Variants in WWOX observed in about 807,000 individuals in gnomAD.
WWOX encodes the protein WW domain-containing oxidoreductase.
Under a neutral mutation model 46.2 loss-of-function variants are expected in WWOX, and 69 were observed. That is an observed-to-expected ratio of 1.49 (90% CI 1.23 to 1.82). WWOX has a LOEUF of 1.82. Ranked by LOEUF, WWOX falls within the 40% of genes most tolerant of loss-of-function variation. WWOX has a pLI of 0.00. For synonymous variants in WWOX, 359 were observed against 202.6 expected (o/e 1.77, Z -6.56); for missense variants, 919 against 542.6 (o/e 1.69, Z -6.89).
intron 8 of WWOX, among the ~76,000 whole-genome samples, chr16:78,594,713 C>G (rs111470136): frequency 6.6e-6 from 1 of 151,964 alleles, no homozygotes; most frequent in Non-Finnish European, 1.5e-5. Context: ...TCCTTTGTCC[C>G]TTTTTATAAC....
At chr16:78,709,375 C>G (rs2142318056) in intron 8 of WWOX, among the ~76,000 whole-genome samples, 1 of 152,362 alleles carries the variant, frequency 6.6e-6, no homozygotes, top group East Asian at 1.9e-4. Context: ...GCCCGCGATT[C>G]TCGGCCATTC....
At chr16:78,991,590 G>C (rs1043785097) in intron 8 of WWOX, among the ~76,000 whole-genome samples, 1 of 48,744 alleles carries the variant, frequency 2.1e-5, no homozygotes, top group Non-Finnish European at 3.8e-5. Context: ...GACACAGCAA[G>C]ACCTTGTCTC....
chr16:78,497,843 G>T (rs7194924), intron 8 of WWOX, among the ~76,000 whole-genome samples: 11,593 of 128,094 alleles, frequency 0.091, 465 homozygotes, highest in Non-Finnish European at 0.097. Context: ...TTATACACCG[G>T]AGTTACTGAG....
At chr16:78,651,964 T>G (rs2046975100) in intron 8 of WWOX, among the ~76,000 whole-genome samples, 1 of 152,150 alleles carries the variant, frequency 6.6e-6, no homozygotes, top group African/African-American at 2.4e-5. Context: ...CATTATCAGT[T>G]ACATTATTAT....
chr16:79,034,041 C>G (rs578119511), intron 8 of WWOX, among the ~76,000 whole-genome samples: 5 of 152,196 alleles, frequency 3.3e-5, no homozygotes, highest in Non-Finnish European at 7.3e-5. Flanking sequence ...CAGGCTATGG[C>G]TCACGGCTGT....
At chr16:78,458,284 AG>A (rs2083872466) in intron 8 of WWOX, among the ~76,000 whole-genome samples, 1 of 136,422 alleles carries the variant, frequency 7.3e-6, no homozygotes, top group African/African-American at 2.7e-5. Context: ...TTTTTGATAC[AG>A]GGTCTTACTG....
chr16:79,178,371 C>T (rs534334098), intron 8 of WWOX, among the ~76,000 whole-genome samples: 3 of 152,208 alleles, frequency 2.0e-5, no homozygotes, highest in East Asian at 3.9e-4. Context: ...GGCTGGAGTG[C>T]AGTGGTGCGG....
At chr16:78,736,294 A>T (rs994546740) in intron 8 of WWOX, among the ~76,000 whole-genome samples, 1 of 152,146 alleles carries the variant, frequency 6.6e-6, no homozygotes, top group Admixed American at 6.5e-5. Flanking sequence ...GGCTATCCTC[A>T]TGGGGACCTG....
rs770023814 is a variant in WWOX at position 78,432,649 on chromosome 16, C to T, written c.953C>T (p.Ser318Leu). The T allele has an allele frequency of 1.2e-5, 19 of 1,614,092 alleles. No individual in the cohort carries two copies. Among genetic ancestry groups the T allele is most frequent in the Non-Finnish European group, 1.5e-5 (18 of 1,180,054 alleles). Residue 318 changes from serine (S) to leucine (L), a missense_variant, in exon 8 of 9, where the codon TCG becomes TTG. Ser to Leu is a moderately radical substitution (Grantham distance 145, BLOSUM62 -2). Coordinates refer to ENST00000566780, the MANE Select transcript of WWOX (RefSeq NM_016373.4). Reference sequence around the variant, plus strand: ...CGCCTCTCCCCACGCGGGGTCACGTCGAACGCAGTGCATCCTGGAAATATG... The same window carrying T: ...CGCCTCTCCCCACGCGGGGTCACGTTGAACGCAGTGCATCCTGGAAATATG... ...HRRLSPRGVT[S>L]NAVHPGNMMY...
At chr16:78,706,480 C>G (rs2048330608) in intron 8 of WWOX, among the ~76,000 whole-genome samples, 1 of 152,156 alleles carries the variant, frequency 6.6e-6, no homozygotes, top group Non-Finnish European at 1.5e-5. Flanking sequence ...TCCTGGGGCT[C>G]TTCCTCTCCT....
At chr16:78,380,090 C>G (rs937856173) in intron 5 of WWOX, among the ~76,000 whole-genome samples, 1 of 152,164 alleles carries the variant, frequency 6.6e-6, no homozygotes, top group Non-Finnish European at 1.5e-5. Context: ...ATGAGTGCCC[C>G]TGTATCCGAG....
chr16:79,204,966 G>A (rs764396407), intron 8 of WWOX: 5 of 152,132 alleles, frequency 3.3e-5, no homozygotes, highest in Non-Finnish European at 7.3e-5. Flanking sequence ...GCTCTTGCAA[G>A]AAACTCATGT....
At chr16:79,042,824 C>G (rs1197701984) in intron 8 of WWOX, among the ~76,000 whole-genome samples, 1 of 149,776 alleles carries the variant, frequency 6.7e-6, no homozygotes, top group Admixed American at 6.7e-5. Context: ...AGTACCAAAA[C>G]AAAACAAGAA....
rs999247484 is a variant in WWOX, at chr16:78,531,519, C to T, written c.1056+98767C>T. On this transcript the variant is annotated intron_variant, in intron 8 of 8. Transcript: ENST00000566780. ...CTACCAGTTCTTTTAGTTTCTCTTA[C>T]ATGTATGAAGTTGGATAGTTAGAAT... is the stretch of plus-strand genomic sequence containing the variant. 3.3e-5 allele frequency among the ~76,000 whole-genome samples: 5 copies of T among 152,032 alleles called. 1 individual carries two copies. Among genetic ancestry groups the T allele is most frequent in the African/African-American group, 7.2e-5 (3 of 41,392 alleles).
At chr16:78,577,442 C>CCCA (rs1468704518) in intron 8 of WWOX, among the ~76,000 whole-genome samples, 1 of 152,134 alleles carries the variant, frequency 6.6e-6, no homozygotes, top group East Asian at 1.9e-4. Flanking sequence ...ACGAGCAAAT[C>CCCA]ATTTAGCTGG....
intron 5 of WWOX, among the ~76,000 whole-genome samples, chr16:78,365,486 A>G (rs2151916614): frequency 6.6e-6 from 1 of 152,324 alleles, no homozygotes; most frequent in South Asian, 2.1e-4. Context: ...AATCTGGGCA[A>G]CAATGAACAT....
chr16:79,048,892 G>T (rs2048114618), intron 8 of WWOX, among the ~76,000 whole-genome samples: 1 of 152,074 alleles, frequency 6.6e-6, no homozygotes, highest in Non-Finnish European at 1.5e-5. Flanking sequence ...TCCCCAGAGT[G>T]ACCTCCAGAA....
intron 6 of WWOX, among the ~76,000 whole-genome samples, chr16:78,389,194 C>T (rs750947595): frequency 6.6e-6 from 1 of 152,188 alleles, no homozygotes; most frequent in South Asian, 2.1e-4. Flanking sequence ...GTAGCTTCCA[C>T]CCTTTGCCAG....
intron 8 of WWOX, among the ~76,000 whole-genome samples, chr16:78,871,149 T>C (rs2044119315): frequency 6.7e-6 from 1 of 150,190 alleles, no homozygotes; most frequent in East Asian, 2.0e-4. Flanking sequence ...TTGAATATAG[T>C]AATTCCCAAC....
Sources: allele counts gnomAD v4.1 joint callset (sites outside exome capture counted in the v4.1 genomes callset), GRCh38; gene constraint gnomAD v4.1.1; transcripts MANE v1.5; gene names NCBI Gene and HGNC (gene_info 2026-07-23, HGNC 2026-07-21).